ROBO2: variants seen among roughly 807,000 people sequenced by gnomAD.
The protein encoded by ROBO2 is roundabout homolog 2.
ROBO2 carries 53 observed loss-of-function variants against 160.8 expected under a neutral mutation model. The ratio of observed to expected loss-of-function variants is 0.33; its 90% CI spans 0.26 to 0.41. ROBO2 has a LOEUF of 0.41. ROBO2 is among the 10% of genes least tolerant of loss of function. The pLI, the probability that ROBO2 is intolerant of heterozygous loss-of-function variation, is 1.00. For synonymous variants in ROBO2, 664 were observed against 611.7 expected, an observed-to-expected ratio of 1.09 and a Z score of -1.26; for missense variants, 1,577 against 1,722.4, an observed-to-expected ratio of 0.92 and a Z score of 1.49.
intron 2 of ROBO2, among the ~76,000 whole-genome samples, chr3:77,219,886 ATTTC>A (rs2085547798): frequency 6.7e-6 from 1 of 150,312 alleles, no homozygotes; most frequent in South Asian, 2.1e-4. Flanking sequence ...GTAGATCTGA[ATTTC>A]TTTAAGACAA....
chr3:76,037,863 TA>T (rs1343211751), intron 2 of ROBO2, among the ~76,000 whole-genome samples: 7 of 152,056 alleles, frequency 4.6e-5, no homozygotes, highest in Non-Finnish European at 7.3e-5. Flanking sequence ...GCTGATACTT[TA>T]AAAACAAAGA....
chr3:76,815,634 A>G (rs187543839), intron 2 of ROBO2, among the ~76,000 whole-genome samples: 1 of 146,894 alleles, frequency 6.8e-6, no homozygotes, highest in Admixed American at 6.7e-5. Context: ...TTTAAGGGCT[A>G]GAGAAAATGG....
chr3:76,435,286 T>C (rs1405557233), intron 2 of ROBO2: 15 of 1,124,624 alleles, frequency 1.3e-5, no homozygotes, highest in African/African-American at 3.1e-5. Flanking sequence ...GATTGTGAGA[T>C]AGTCAGTGCC....
chr3:76,886,872 T>C lies in ROBO2; in HGVS notation c.110-211142T>C, dbSNP rs186179071. Among the ~76,000 whole-genome samples, 63 of 152,282 alleles carry C rather than the reference T, an allele frequency of 4.1e-4. 1 individual carries two copies. The highest frequency in any genetic ancestry group is 7.2e-4 in the Non-Finnish European group (49 of 68,012). On this transcript the variant is annotated intron_variant, in intron 2 of 26. Coordinates refer to the ROBO2 transcript ENST00000487694. ...TGTGGCTACTTAAATGTAAGTTAAC[T>C]GTAATTAAAGATTTCAGTCTTCATT...
At chr3:76,813,526 G>C (rs536531439) in intron 2 of ROBO2, among the ~76,000 whole-genome samples, 1 of 152,094 alleles carries the variant, frequency 6.6e-6, no homozygotes, top group Non-Finnish European at 1.5e-5. Flanking sequence ...AAAATGATAA[G>C]TGACAAATGA....
intron 2 of ROBO2, among the ~76,000 whole-genome samples, chr3:76,910,104 TA>T (rs1242115790): frequency 1.1e-4 from 16 of 152,168 alleles, no homozygotes; most frequent in Non-Finnish European, 2.2e-4. Context: ...TAGGTAAGCC[TA>T]GGTCAAAGTG....
At chr3:77,630,299 C>T (rs2095130934) in intron 23 of ROBO2, 2 of 152,230 alleles carry the variant, frequency 1.3e-5, no homozygotes, top group African/African-American at 2.4e-5. Flanking sequence ...GTTTAACTGA[C>T]TCACAGTTCC....
intron 2 of ROBO2, among the ~76,000 whole-genome samples, chr3:76,600,854 A>G (rs1284887314): frequency 1.3e-5 from 2 of 152,126 alleles, no homozygotes; most frequent in African/African-American, 2.4e-5. Context: ...CATTAACTCA[A>G]AAGTCCACAG....
intron 2 of ROBO2, among the ~76,000 whole-genome samples, chr3:77,200,766 G>A (rs1272017678): frequency 4.6e-5 from 7 of 152,060 alleles, no homozygotes; most frequent in Non-Finnish European, 1.0e-4. Flanking sequence ...TTCTGAGATG[G>A]TATATGGTGT....
At chr3:76,672,860 C>T (rs575400983) in intron 2 of ROBO2, among the ~76,000 whole-genome samples, 6 of 152,230 alleles carry the variant, frequency 3.9e-5, no homozygotes, top group South Asian at 2.1e-4. Flanking sequence ...TATTGATACA[C>T]GTATCTTTGA....
intron 2 of ROBO2, among the ~76,000 whole-genome samples, chr3:76,981,112 C>A (rs1204907428): frequency 1.3e-5 from 2 of 152,192 alleles, no homozygotes; most frequent in Admixed American, 1.3e-4. Context: ...AGGTTGTTTG[C>A]ACATTTAGAC....
chr3:76,066,523 A>G (rs1476978764), intron 2 of ROBO2, among the ~76,000 whole-genome samples: 3 of 152,062 alleles, frequency 2.0e-5, no homozygotes, highest in African/African-American at 7.2e-5. Context: ...GCAAAAACAG[A>G]CGTTTATTGA....
intron 2 of ROBO2, among the ~76,000 whole-genome samples, chr3:77,130,296 A>G (rs2075734800): frequency 6.6e-6 from 1 of 152,164 alleles, no homozygotes; most frequent in Non-Finnish European, 1.5e-5. Context: ...TCCTGGGCCA[A>G]ATGCATGGCT....
chr3:77,479,698 G>A (rs776140275), intron 3 of ROBO2, among the ~76,000 whole-genome samples: 2 of 152,090 alleles, frequency 1.3e-5, no homozygotes, highest in Non-Finnish European at 2.9e-5. Context: ...TAAAATCATT[G>A]TTTATGGATT....
intron 2 of ROBO2, among the ~76,000 whole-genome samples, chr3:77,217,116 C>T (rs1198953608): frequency 2.0e-5 from 3 of 151,130 alleles, no homozygotes; most frequent in African/African-American, 2.4e-5. Context: ...TTTTCTCCTT[C>T]CTTCCTTCCT....
At chr3:76,211,848 C>A (rs1345456572) in intron 2 of ROBO2, among the ~76,000 whole-genome samples, 1 of 151,862 alleles carries the variant, frequency 6.6e-6, no homozygotes, top group East Asian at 1.9e-4. Context: ...TAAAGTATAT[C>A]AGAGTAGTTG....
intron 6 of ROBO2, among the ~76,000 whole-genome samples, chr3:77,542,517 C>T (rs553555486): frequency 2.0e-5 from 3 of 152,250 alleles, no homozygotes; most frequent in East Asian, 3.9e-4. Context: ...GTACAATATA[C>T]ATAAACATCA....
rs150464989 is a variant in ROBO2 at position 76,686,865 on chromosome 3, A to G, written c.110-411149A>G. ...ATAAAAGCTACAGCTATGTCATTGCATTCTAATACCTGACCCATTTCTGTT... is the reference window on the plus strand; with the variant it reads ...ATAAAAGCTACAGCTATGTCATTGCGTTCTAATACCTGACCCATTTCTGTT... On this transcript the variant is annotated intron_variant, in intron 2 of 26. Transcript: ENST00000487694. 7.7e-3 allele frequency among the ~76,000 whole-genome samples: 1,170 copies of G among 152,228 alleles called. 14 individuals are homozygous for G. Among genetic ancestry groups the G allele is most frequent in the African/African-American group, 0.022 (896 of 41,568 alleles).
At chr3:76,085,112 T>TACAC (rs1306397740) in intron 2 of ROBO2, among the ~76,000 whole-genome samples, 5 of 146,778 alleles carry the variant, frequency 3.4e-5, no homozygotes, top group East Asian at 3.9e-4. Flanking sequence ...CATATATATA[T>TACAC]ATATACACAC....
Sources: allele counts gnomAD v4.1 joint callset (sites outside exome capture counted in the v4.1 genomes callset), GRCh38; gene constraint gnomAD v4.1.1; transcripts MANE v1.5; gene names NCBI Gene and HGNC (gene_info 2026-07-23, HGNC 2026-07-21).